The following AOPEP variants were observed in gnomAD, a reference collection of about 807,000 sequenced individuals.
AOPEP encodes aminopeptidase O (putative).
A neutral mutation model predicts 98.1 loss-of-function variants in AOPEP; 77 were observed. The ratio of observed to expected loss-of-function variants is 0.78; its 90% CI spans 0.65 to 0.95. The LOEUF is 0.95. Ranked by LOEUF, AOPEP falls within the 40% of genes least tolerant of loss-of-function variation. AOPEP has a pLI of 0.00. For missense variants in AOPEP, 1,024 were observed against 1,024.7 expected (o/e 1.00, Z 0.01); for synonymous variants, 346 against 365.3 (o/e 0.95, Z 0.60).
intron 3 of AOPEP, among the ~76,000 whole-genome samples, chr9:94,787,653 T>C (rs548449540): frequency 6.6e-6 from 1 of 152,360 alleles, no homozygotes; most frequent in East Asian, 1.9e-4. Flanking sequence ...TTTCATCATT[T>C]TAATAGTACC....
chr9:94,862,453 G>A (rs1228959578), intron 5 of AOPEP, among the ~76,000 whole-genome samples: 3 of 152,170 alleles, frequency 2.0e-5, no homozygotes, highest in African/African-American at 7.2e-5. Flanking sequence ...CCTGAGAAAA[G>A]GGAGGGCTCT....
chr9:95,086,285 A>T (rs2070688218), intron 16 of AOPEP: 14 of 985,254 alleles, frequency 1.4e-5, no homozygotes, highest in Non-Finnish European at 1.6e-5. Context: ...GCAGAAAGTT[A>T]AGAGCTCCCA....
chr9:95,118,453 G>A, the AOPEP span, among the ~76,000 whole-genome samples: 1 of 152,234 alleles, frequency 6.6e-6, no homozygotes, highest in African/African-American at 2.4e-5. Context: ...ATAACGCATG[G>A]AGTGCATGGG....
At chr9:95,118,443 A>G in the AOPEP span, among the ~76,000 whole-genome samples, 5 of 152,264 alleles carry the variant, frequency 3.3e-5, no homozygotes, top group Admixed American at 1.3e-4. Context: ...GGTAAAATCT[A>G]TAACGCATGG....
intron 5 of AOPEP, among the ~76,000 whole-genome samples, chr9:94,905,886 G>T (rs1201606877): frequency 6.6e-6 from 1 of 152,134 alleles, no homozygotes; most frequent in Non-Finnish European, 1.5e-5. Flanking sequence ...TGCAGAAGGG[G>T]CTGGGGGGAG....
rs1284553789 is a variant in AOPEP at position 94,930,111 on chromosome 9, C to T, written c.1661+1580C>T. Among the ~76,000 whole-genome samples, 2 of 152,194 alleles carry T rather than the reference C, an allele frequency of 1.3e-5. No individual in the cohort carries two copies. Among genetic ancestry groups the T allele is most frequent in the African/African-American group, 2.4e-5 (1 of 41,442 alleles). On this transcript the variant is annotated intron_variant, in intron 7 of 16. Coordinates refer to ENST00000375315, the MANE Select transcript of AOPEP (RefSeq NM_001193329.3). This position sits in a 1 kb window ranked among gnomAD's most constrained non-coding sequence, Gnocchi z 4.5. ...CTCTGCTGCTGTGTGGAGAGCACCA[C>T]AGGCAGCCGACGGAAAGCCAGGAGA...
At chr9:95,065,595 A>G (rs78794060) in intron 14 of AOPEP, 1 of 152,326 alleles carries the variant, frequency 6.6e-6, no homozygotes, top group African/African-American at 2.4e-5. Flanking sequence ...ATTGTGGAAC[A>G]GAGCCCTACA....
rs553442514 is a variant in AOPEP at position 94,735,108 on chromosome 9, C to G, written c.-136+8357C>G. On this transcript the variant is annotated intron_variant, in intron 1 of 16. Coordinates refer to ENST00000375315, the MANE Select transcript of AOPEP (RefSeq NM_001193329.3). ...TTTTGTTTTCATGGCTTTGTGATGG[C>G]AAGAGTTGGTTTAAGTAGCTCATTG... Among the ~76,000 whole-genome samples the G allele has an allele frequency of 1.7e-4, 26 of 152,174 alleles. No homozygotes were observed. In the East Asian group the frequency reaches 3.7e-3, roughly 21 times the overall value.
intron 1 of AOPEP, among the ~76,000 whole-genome samples, chr9:94,727,519 G>T (rs534138571): frequency 5.9e-5 from 9 of 151,988 alleles, no homozygotes; most frequent in Admixed American, 3.9e-4. Context: ...TGTTTAGATC[G>T]CAAAAAAACA....
At chr9:95,101,525 G>A in the AOPEP span, 3 of 732,646 alleles carry the variant, frequency 4.1e-6, no homozygotes, top group Non-Finnish European at 2.3e-6. Context: ...CTGGGCTGAG[G>A]GACCTGGCTC....
chr9:94,820,067 T>G (rs926419321), intron 5 of AOPEP, among the ~76,000 whole-genome samples: 16 of 148,600 alleles, frequency 1.1e-4, no homozygotes, highest in African/African-American at 4.0e-4. Flanking sequence ...TGCCTCACCC[T>G]CCTGAATAGC....
intron 5 of AOPEP, among the ~76,000 whole-genome samples, chr9:94,851,489 C>G (rs2043538920): frequency 6.6e-6 from 1 of 151,770 alleles, no homozygotes; most frequent in South Asian, 2.1e-4. Context: ...GTCTTTTGCC[C>G]CTCATCCTTT....
chr9:95,149,379 C>T, the AOPEP span, among the ~76,000 whole-genome samples: 1 of 152,028 alleles, frequency 6.6e-6, no homozygotes, highest in Non-Finnish European at 1.5e-5. Context: ...TACAACAAAA[C>T]CCTATGACAT....
intron 1 of AOPEP, among the ~76,000 whole-genome samples, chr9:94,742,583 C>T (rs539428562): frequency 5.3e-4 from 80 of 152,044 alleles, no homozygotes; most frequent in Non-Finnish European, 9.6e-4. Flanking sequence ...TACAGGCACG[C>T]GCCACCACGC....
chr9:94,800,828 TC>T lies in AOPEP; in HGVS notation c.1191del (p.Ile398PhefsTer22). The T allele has an allele frequency of 6.2e-7, 1 of 1,614,194 alleles. No homozygotes were observed. The highest frequency in any genetic ancestry group is 1.3e-5 in the African/African-American group (1 of 75,044). On this transcript the variant is annotated frameshift_variant, in exon 5 of 17. Transcript: ENST00000375315. LOFTEE classifies it high-confidence loss of function. ...FQNASATTQE[I>X]IPHRVFAPVC... is the part of the protein sequence containing the mutation. Reference sequence around the variant, plus strand: ...AATGCTTCTGCCACCACCCAGGAGATCATTCCTCATCGGGTCTTTGCCCCTG... The same window carrying T: ...AATGCTTCTGCCACCACCCAGGAGATATTCCTCATCGGGTCTTTGCCCCTG...
intron 5 of AOPEP, among the ~76,000 whole-genome samples, chr9:94,831,603 A>C (rs1855972424): frequency 6.6e-6 from 1 of 152,236 alleles, no homozygotes; most frequent in East Asian, 1.9e-4. Context: ...TGTCAGTGGT[A>C]GTTGAATGAA....
chr9:94,807,246 A>G (rs1391844948), intron 5 of AOPEP, among the ~76,000 whole-genome samples: 4 of 152,176 alleles, frequency 2.6e-5, no homozygotes, highest in African/African-American at 9.7e-5. Flanking sequence ...TTGCCATTAA[A>G]CAGCTGTGTT....
intron 5 of AOPEP, among the ~76,000 whole-genome samples, chr9:94,881,606 A>G (rs530395885): frequency 6.6e-6 from 1 of 152,078 alleles, no homozygotes; most frequent in Non-Finnish European, 1.5e-5. Context: ...CTTCCCATCC[A>G]GGTTTATGTT....
intron 5 of AOPEP, among the ~76,000 whole-genome samples, chr9:94,872,660 A>ATGTG (rs1199558616): frequency 3.3e-5 from 5 of 152,190 alleles, no homozygotes; most frequent in Non-Finnish European, 5.9e-5. Flanking sequence ...ACTCGGTGAG[A>ATGTG]TGTGTGCACC....
Sources: gnomAD v4.1 joint callset for allele counts (sites outside exome capture counted in the v4.1 genomes callset) on GRCh38, gnomAD v4.1.1 for gene constraint, Gnocchi (gnomAD v3.1) non-coding constraint, MANE v1.5 for transcripts, NCBI Gene and HGNC (gene_info 2026-07-23, HGNC 2026-07-21) for gene names.